Variants in OPCML observed in about 807,000 individuals in gnomAD.
OPCML encodes the protein opioid-binding protein/cell adhesion molecule.
A neutral mutation model predicts 37.8 loss-of-function variants in OPCML; 13 were observed. That is an observed-to-expected ratio of 0.34 (90% CI 0.22 to 0.55). The LOEUF is 0.55. OPCML is among the 20% of genes least tolerant of loss of function. OPCML has a pLI of 0.91. For missense variants in OPCML, 341 were observed against 435.6 expected, an observed-to-expected ratio of 0.78 and a Z score of 1.93; for synonymous variants, 176 against 168.8, an observed-to-expected ratio of 1.04 and a Z score of -0.33.
At chr11:132,434,881 C>T (rs2096008075) in intron 7 of OPCML, among the ~76,000 whole-genome samples, 1 of 152,106 alleles carries the variant, frequency 6.6e-6, no homozygotes, top group Non-Finnish European at 1.5e-5. Context: ...GCAGAATGAG[C>T]ATTCTTTTCA....
chr11:132,465,579 A>G (rs1159155210), intron 4 of OPCML, among the ~76,000 whole-genome samples: 3 of 151,272 alleles, frequency 2.0e-5, no homozygotes, highest in African/African-American at 7.3e-5. Context: ...ATTCTATGTT[A>G]TTTTGTGTAT....
intron 2 of OPCML, among the ~76,000 whole-genome samples, chr11:132,765,978 A>G (rs773514477): frequency 1.3e-5 from 2 of 152,222 alleles, no homozygotes; most frequent in African/African-American, 4.8e-5. Flanking sequence ...AAAATAGCAC[A>G]GGGCCAGCTT....
At chr11:132,686,607 C>G (rs1429517135) in intron 2 of OPCML, among the ~76,000 whole-genome samples, 1 of 152,208 alleles carries the variant, frequency 6.6e-6, no homozygotes. Context: ...TCAATGACCT[C>G]TCATTAGTCC....
At chr11:133,392,453 AG>A (rs1348893937) in intron 1 of OPCML, among the ~76,000 whole-genome samples, 7 of 152,210 alleles carry the variant, frequency 4.6e-5, no homozygotes, top group Admixed American at 2.0e-4. Context: ...AGGAGAGGCT[AG>A]GAAAGGGTGA....
At chr11:133,231,707 A>G (rs564788784) in intron 1 of OPCML, among the ~76,000 whole-genome samples, 2 of 152,318 alleles carry the variant, frequency 1.3e-5, no homozygotes, top group African/African-American at 4.8e-5. Context: ...GGCAGTATGC[A>G]TAACCTCCTG....
rs1450844079 is a variant in OPCML at position 132,927,953 on chromosome 11, GA to G, written c.146+14972del. Among the ~76,000 whole-genome samples, 4 of 151,810 alleles carry G rather than the reference GA, an allele frequency of 2.6e-5. No individual in the cohort carries two copies. The East Asian group carries it at 5.8e-4, about 22-fold the overall frequency. ...GCAAATCATGGGGATATAGCATAAAGAAAATACCTATAGAATATACACAAAA... is the reference window on the plus strand; with the variant it reads ...GCAAATCATGGGGATATAGCATAAAGAAATACCTATAGAATATACACAAAA... On this transcript the variant is annotated intron_variant, in intron 2 of 7. Transcript: ENST00000524381.
intron 3 of OPCML, among the ~76,000 whole-genome samples, chr11:132,599,386 A>G (rs1332878947): frequency 1.4e-4 from 13 of 93,340 alleles, no homozygotes; most frequent in African/African-American, 5.1e-4. Context: ...AAGGAGGAAG[A>G]AGGAGGAAGA....
chr11:132,706,632 G>C (rs891346503), intron 2 of OPCML, among the ~76,000 whole-genome samples: 1 of 152,030 alleles, frequency 6.6e-6, no homozygotes, highest in African/African-American at 2.4e-5. Flanking sequence ...TCCATTATGC[G>C]AGCCTCTCCT....
chr11:133,357,103 C>T (rs935776947), intron 1 of OPCML, among the ~76,000 whole-genome samples: 1 of 152,184 alleles, frequency 6.6e-6, no homozygotes, highest in Non-Finnish European at 1.5e-5. Context: ...TCGCAGTGCT[C>T]CTAGAACCAG....
chr11:133,031,547 A>T (rs7931680), intron 1 of OPCML, among the ~76,000 whole-genome samples: 1 of 148,272 alleles, frequency 6.7e-6, no homozygotes, highest in Non-Finnish European at 1.5e-5. Context: ...GGATGGATGG[A>T]TGGATGGTTG....
chr11:133,476,530 T>C (rs540121249), intron 1 of OPCML, among the ~76,000 whole-genome samples: 1 of 152,286 alleles, frequency 6.6e-6, no homozygotes, highest in East Asian at 1.9e-4. Context: ...TTTTTTTCAG[T>C]AGGAAAGAAG....
intron 1 of OPCML, among the ~76,000 whole-genome samples, chr11:133,125,547 TA>T (rs1949487012): frequency 6.7e-6 from 1 of 149,186 alleles, no homozygotes; most frequent in Non-Finnish European, 1.5e-5. Flanking sequence ...GAAATAAAAC[TA>T]ATAGGATATA....
chr11:132,585,316 T>C (rs2096470287), intron 3 of OPCML, among the ~76,000 whole-genome samples: 1 of 152,024 alleles, frequency 6.6e-6, no homozygotes, highest in Non-Finnish European at 1.5e-5. Context: ...GATTGGTTAA[T>C]ATAGGGTTAT....
At chr11:133,286,276 C>A (rs1361132332) in intron 1 of OPCML, among the ~76,000 whole-genome samples, 1 of 151,870 alleles carries the variant, frequency 6.6e-6, no homozygotes, top group East Asian at 1.9e-4. Context: ...CAGTGAAAAC[C>A]CGTCTCTACT....
chr11:133,496,836 T>C (rs542971990), intron 1 of OPCML, among the ~76,000 whole-genome samples: 3 of 152,344 alleles, frequency 2.0e-5, no homozygotes, highest in South Asian at 2.1e-4. Flanking sequence ...AACGATTATA[T>C]TGTCAGCAAA....
At chr11:133,094,913 T>A (rs1035970344) in intron 1 of OPCML, among the ~76,000 whole-genome samples, 1 of 152,156 alleles carries the variant, frequency 6.6e-6, no homozygotes, top group Non-Finnish European at 1.5e-5. Context: ...ACCCCAGTGA[T>A]GCAGGGCATT....
At chr11:132,579,957 C>T (rs1445688367) in intron 3 of OPCML, among the ~76,000 whole-genome samples, 1 of 152,172 alleles carries the variant, frequency 6.6e-6, no homozygotes, top group African/African-American at 2.4e-5. Flanking sequence ...TAGAGCTTTA[C>T]GCCTTCCCTG....
At chr11:132,644,985 T>A (rs1401040057) in intron 3 of OPCML, among the ~76,000 whole-genome samples, 2 of 152,246 alleles carry the variant, frequency 1.3e-5, no homozygotes, top group Non-Finnish European at 2.9e-5. Context: ...TGCTAACTGG[T>A]CATTAATGTC....
chr11:133,043,332 A>C (rs1044068609), intron 1 of OPCML, among the ~76,000 whole-genome samples: 3 of 152,050 alleles, frequency 2.0e-5, no homozygotes, highest in African/African-American at 7.2e-5. Flanking sequence ...ATGAAACCCC[A>C]CCAAGCCATT....
Sources: gnomAD v4.1 joint callset for allele counts (sites outside exome capture counted in the v4.1 genomes callset) on GRCh38, gnomAD v4.1.1 for gene constraint, MANE v1.5 for transcripts, NCBI Gene and HGNC (gene_info 2026-07-23, HGNC 2026-07-21) for gene names.